Variants in ROBO2 observed in about 807,000 individuals in gnomAD.
ROBO2 encodes the protein roundabout homolog 2.
A neutral mutation model predicts 160.8 loss-of-function variants in ROBO2; 53 were observed. The ratio of observed to expected loss-of-function variants is 0.33; its 90% CI spans 0.26 to 0.41. The LOEUF (loss-of-function observed/expected upper bound fraction) is 0.41, where lower values mean the gene tolerates loss of function less well. ROBO2 is among the 10% of genes least tolerant of loss of function. The probability of loss-of-function intolerance (pLI) is 1.00; values close to 1 mark genes in which losing one functional copy is unlikely to be tolerated. For synonymous variants in ROBO2, 664 were observed against 611.7 expected, an observed-to-expected ratio of 1.09 and a Z score of -1.26; for missense variants, 1,577 against 1,722.4, an observed-to-expected ratio of 0.92 and a Z score of 1.49.
At chr3:76,119,944 TCC>T (rs2070671462) in intron 2 of ROBO2, among the ~76,000 whole-genome samples, 1 of 134,898 alleles carries the variant, frequency 7.4e-6, no homozygotes, top group Admixed American at 7.8e-5. Flanking sequence ...CTTCCTTCCT[TCC>T]TTCCTTCCTT....
intron 13 of ROBO2, among the ~76,000 whole-genome samples, chr3:77,572,627 G>A (rs36012295): frequency 0.034 from 4,070 of 121,116 alleles, 125 homozygotes; most frequent in East Asian, 0.15. Flanking sequence ...GGAATTAGCC[G>A]TACATAGAAA....
In ROBO2 at chr3:77,625,356, C is replaced by T. The variant is rs1559754095; in HGVS notation, c.3760+2924C>T. On this transcript the variant is annotated intron_variant, in intron 23 of 25. Transcript: ENST00000461745. ...ATAGGTAACACATATACAACCTTTACGAAGTGCAAGCCATCTTTCTTTCTT... is the reference window on the plus strand; with the variant it reads ...ATAGGTAACACATATACAACCTTTATGAAGTGCAAGCCATCTTTCTTTCTT... Among the ~76,000 whole-genome samples the T allele has an allele frequency of 4.0e-5, 6 of 151,226 alleles. No homozygotes were observed. The South Asian group carries it at 8.3e-4, about 21-fold the overall frequency.
At chr3:77,562,830 G>T (rs1028572031) in intron 10 of ROBO2, 98 bp downstream of exon 11, 35 of 909,936 alleles carry the variant, frequency 3.8e-5, no homozygotes, top group Non-Finnish European at 5.6e-5. Flanking sequence ...TTAATTCACT[G>T]AATGTAAATT....
intron 24 of ROBO2, among the ~76,000 whole-genome samples, chr3:77,640,272 C>T (rs932333737): frequency 2.6e-5 from 4 of 151,952 alleles, no homozygotes; most frequent in Non-Finnish European, 4.4e-5. Flanking sequence ...CCACCACACT[C>T]GGGTAATTGT....
At chr3:76,300,859 A>G (rs972576125) in intron 2 of ROBO2, among the ~76,000 whole-genome samples, 2 of 152,048 alleles carry the variant, frequency 1.3e-5, no homozygotes, top group African/African-American at 4.8e-5. Context: ...TGTCCAAATC[A>G]TTAGGTTTAA....
chr3:77,135,060 T>A (rs1261599304), intron 2 of ROBO2, among the ~76,000 whole-genome samples: 5 of 152,098 alleles, frequency 3.3e-5, no homozygotes, highest in African/African-American at 1.2e-4. Context: ...TTGACAGCTG[T>A]GGAATTGAGT....
chr3:76,303,135 C>T (rs948071115), intron 2 of ROBO2, among the ~76,000 whole-genome samples: 10 of 151,884 alleles, frequency 6.6e-5, no homozygotes, highest in Admixed American at 5.3e-4. Context: ...GAATATTTTA[C>T]AGGTTCAAGC....
At chr3:76,137,226 A>T (rs567470132) in intron 2 of ROBO2, among the ~76,000 whole-genome samples, 1 of 152,088 alleles carries the variant, frequency 6.6e-6, no homozygotes, top group South Asian at 2.1e-4. Flanking sequence ...ACTTTTATTA[A>T]TATTTTTGTA....
At chr3:77,265,296 T>G (rs2059052519) in intron 2 of ROBO2, among the ~76,000 whole-genome samples, 1 of 152,184 alleles carries the variant, frequency 6.6e-6, no homozygotes, top group East Asian at 1.9e-4. Context: ...TTTTGTTCAC[T>G]GCCAATCCAC....
At chr3:75,937,893 G>A (rs1210731831) in intron 2 of ROBO2, among the ~76,000 whole-genome samples, 3 of 137,526 alleles carry the variant, frequency 2.2e-5, no homozygotes, top group East Asian at 2.1e-4. Flanking sequence ...ATGAGGCTAT[G>A]TGTGTGTGTG....
chr3:76,733,200 C>T (rs900851854), intron 2 of ROBO2, among the ~76,000 whole-genome samples: 1 of 151,990 alleles, frequency 6.6e-6, no homozygotes, highest in South Asian at 2.1e-4. Context: ...TGTCCCTGCC[C>T]AGAAGGAAAA....
intron 2 of ROBO2, among the ~76,000 whole-genome samples, chr3:77,110,076 G>C (rs574426233): frequency 9.9e-4 from 150 of 152,246 alleles, no homozygotes; most frequent in African/African-American, 3.3e-3. Flanking sequence ...GAGCTCATTA[G>C]TTTATTCCAG....
chr3:76,246,449 T>A (rs1386447034), intron 2 of ROBO2, among the ~76,000 whole-genome samples: 1 of 152,300 alleles, frequency 6.6e-6, no homozygotes, highest in South Asian at 2.1e-4. Flanking sequence ...CATGTCTGAT[T>A]AGTTACTCAG....
chr3:77,102,889 T>C (rs2072193655), intron 2 of ROBO2, among the ~76,000 whole-genome samples: 1 of 152,108 alleles, frequency 6.6e-6, no homozygotes, highest in South Asian at 2.1e-4. Context: ...AAAGTGTTTT[T>C]TGAGTCACTT....
chr3:76,155,094 G>A (rs775273236), intron 2 of ROBO2, among the ~76,000 whole-genome samples: 5 of 152,070 alleles, frequency 3.3e-5, no homozygotes, highest in Non-Finnish European at 5.9e-5. Flanking sequence ...CAATAGTACC[G>A]AAGAAGTGTC....
At chr3:77,099,044 T>G (rs2150082246) in intron 2 of ROBO2, among the ~76,000 whole-genome samples, 1 of 150,574 alleles carries the variant, frequency 6.6e-6, no homozygotes, top group African/African-American at 2.4e-5. Flanking sequence ...TTTCTTTTGG[T>G]AAACAAAATT....
chr3:76,131,729 T>C (rs1314661450), intron 2 of ROBO2, among the ~76,000 whole-genome samples: 4 of 152,164 alleles, frequency 2.6e-5, no homozygotes, highest in African/African-American at 9.7e-5. Context: ...TCTTTGATTT[T>C]ATAACAGTTT....
chr3:76,294,951 G>C (rs35906101), intron 2 of ROBO2, among the ~76,000 whole-genome samples: 19,772 of 152,216 alleles, frequency 0.13, 1,648 homozygotes, highest in African/African-American at 0.23. Flanking sequence ...AGGCAGGTAA[G>C]ATGTTCCAGC....
At chr3:76,388,806 A>G (rs956434369) in intron 2 of ROBO2, among the ~76,000 whole-genome samples, 1 of 152,002 alleles carries the variant, frequency 6.6e-6, no homozygotes, top group Admixed American at 6.6e-5. Flanking sequence ...CCATTTATCT[A>G]TTCCATAAAT....
Sources: allele counts gnomAD v4.1 joint callset (sites outside exome capture counted in the v4.1 genomes callset), GRCh38; gene constraint gnomAD v4.1.1; transcripts MANE v1.5; gene names NCBI Gene and HGNC (gene_info 2026-07-23, HGNC 2026-07-21).